Variants in AADAT observed in about 807,000 individuals in gnomAD.
AADAT encodes aminoadipate aminotransferase.
AADAT carries 25 observed loss-of-function variants against 56.2 expected under a neutral mutation model. The observed-to-expected ratio is 0.44, with a 90% CI of 0.32 to 0.62. The LOEUF (loss-of-function observed/expected upper bound fraction) is 0.62, where lower values mean the gene tolerates loss of function less well. Ranked by LOEUF, AADAT falls within the 20% of genes least tolerant of loss-of-function variation. The pLI is 0.04. For synonymous variants in AADAT, 173 were observed against 164.7 expected, an observed-to-expected ratio of 1.05 and a Z score of -0.39; for missense variants, 387 against 510.5, an observed-to-expected ratio of 0.76 and a Z score of 2.33.
At chr4:170,086,972 G>T in intron 3 of AADAT, 144 bp downstream of exon 3, 3 of 1,046,160 alleles carry the variant, frequency 2.9e-6, no homozygotes, top group Non-Finnish European at 4.0e-6. Flanking sequence ...TTGTCTTTTA[G>T]TTCCCTGTTT....
intron 3 of AADAT, among the ~76,000 whole-genome samples, chr4:170,084,815 G>A (rs1318329059): frequency 1.3e-5 from 2 of 152,292 alleles, no homozygotes; most frequent in African/African-American, 2.4e-5. Flanking sequence ...GACATCCTAG[G>A]ACCAAAGGAA....
intron 1 of AADAT, among the ~76,000 whole-genome samples, chr4:170,088,819 A>G (rs1732691840): frequency 6.6e-6 from 1 of 152,070 alleles, no homozygotes; most frequent in Non-Finnish European, 1.5e-5. Flanking sequence ...TGGTGCACTT[A>G]TAAAAGAGGG....
intron 3 of AADAT, among the ~76,000 whole-genome samples, chr4:170,086,069 G>C (rs1172667560): frequency 3.3e-5 from 5 of 151,986 alleles, no homozygotes; most frequent in Admixed American, 6.6e-5. Context: ...AGACCAGCCT[G>C]TCCAACATGG....
In AADAT at chr4:170,068,663, A is replaced by C; in HGVS notation, c.828T>G (p.Gly276=). Reference sequence around the variant, plus strand: ...TAACTCTCTCTATTAAGGGTTTTGGACCAGTTAAAAATCCTATTCTCAACC... The same window carrying C: ...TAACTCTCTCTATTAAGGGTTTTGGCCCAGTTAAAAATCCTATTCTCAACC... ...SSGLRIGFLT[G]PKPLIERVIL... The change falls in exon 8 of 13, where the codon GGT becomes GGG. Residue 276 remains glycine, a synonymous_variant. Coordinates refer to ENST00000337664, the MANE Select transcript of AADAT (RefSeq NM_016228.4). 1 of 1,603,024 alleles carries C rather than the reference A, an allele frequency of 6.2e-7. No homozygotes were observed.
chr4:170,074,258 G>A (rs970467659), intron 4 of AADAT, among the ~76,000 whole-genome samples: 1 of 151,882 alleles, frequency 6.6e-6, no homozygotes, highest in African/African-American at 2.4e-5. Context: ...TGTTACATGG[G>A]TATACTGCAT....
chr4:170,081,394 G>T (rs1268699861), intron 3 of AADAT, among the ~76,000 whole-genome samples: 2 of 152,096 alleles, frequency 1.3e-5, no homozygotes, highest in Non-Finnish European at 2.9e-5. Context: ...CTTATTTAAA[G>T]AAATAATAAC....
intron 6 of AADAT, 44 bp from the exon 7 acceptor site, chr4:170,069,274 T>A (rs777959548): frequency 1.3e-6 from 2 of 1,491,320 alleles, no homozygotes; most frequent in South Asian, 2.3e-5. Context: ...GAAAGCTCTG[T>A]TAGTCACTGT....
intron 10 of AADAT, among the ~76,000 whole-genome samples, chr4:170,065,190 T>C (rs2111145086): frequency 6.6e-6 from 1 of 152,318 alleles, no homozygotes; most frequent in East Asian, 1.9e-4. Flanking sequence ...AGAGGATTCT[T>C]CCATTATTTG....
Position 170,073,162 on chromosome 4 carries a change from T to C in AADAT, c.628A>G (p.Ser210Gly), listed in dbSNP as rs773158625. Residue 210 changes from serine (S) to glycine (G), a missense_variant, in exon 5 of 13, where the codon AGT (serine) becomes GGT (glycine). Coordinates refer to ENST00000337664, the MANE Select transcript of AADAT (RefSeq NM_016228.4). ...GNNPTGNSLT[S>G]ERKKEIYELA... ...TCATAGATTTCCTTTTTGCGTTCAC[T>C]GGTTAATGAGTTTCCAGTAGGGTTG... 1.1e-5 allele frequency: 18 copies of C among 1,614,148 alleles called. No individual in the cohort carries two copies. The highest frequency in any genetic ancestry group is 2.2e-5 in the South Asian group (2 of 91,056).
intron 3 of AADAT, among the ~76,000 whole-genome samples, chr4:170,079,163 A>AT (rs1732176313): frequency 6.6e-6 from 1 of 152,234 alleles, no homozygotes; most frequent in African/African-American, 2.4e-5. Flanking sequence ...GCACAATGAC[A>AT]TAAGAGCTCA....
At chr4:170,072,253 AG>A (rs1731806026) in intron 5 of AADAT, among the ~76,000 whole-genome samples, 1 of 151,472 alleles carries the variant, frequency 6.6e-6, no homozygotes, top group African/African-American at 2.4e-5. Flanking sequence ...GTGTTTATAT[AG>A]ATACATGTAT....
At chr4:170,073,663 G>C (rs141916899) in intron 4 of AADAT, among the ~76,000 whole-genome samples, 1,948 of 151,938 alleles carry the variant, frequency 0.013, 51 homozygotes, top group African/African-American at 0.044. Context: ...CCACGCCCAG[G>C]TAATTTTTTG....
intron 4 of AADAT, among the ~76,000 whole-genome samples, chr4:170,074,817 A>G (rs537328197): frequency 2.2e-4 from 33 of 152,262 alleles, no homozygotes; most frequent in African/African-American, 6.5e-4. Context: ...GGCATTGCTT[A>G]TAGACTTAGC....
At chr4:170,092,558 A>G (rs1023212140), upstream of AADAT, among the ~76,000 whole-genome samples, 10 of 152,244 alleles carry the variant, frequency 6.6e-5, no homozygotes, top group Non-Finnish European at 1.2e-4. Flanking sequence ...CAGTGAGACC[A>G]AAACCCCACC....
At chr4:170,068,527 T>C in intron 8 of AADAT, 64 bp downstream of exon 8, 1 of 1,255,030 alleles carries the variant, frequency 8.0e-7, no homozygotes, top group South Asian at 1.3e-5. Flanking sequence ...CTCTACCATC[T>C]ATTATTTTTT....
chr4:170,083,961 A>G (rs2111204297), intron 3 of AADAT, among the ~76,000 whole-genome samples: 1 of 152,352 alleles, frequency 6.6e-6, no homozygotes, highest in South Asian at 2.1e-4. Flanking sequence ...CTTATTCACA[A>G]TAGCCAAAAT....
chr4:170,066,402 C>T lies in AADAT; in HGVS notation c.1027+12G>A, dbSNP rs754504488. 44 of 1,610,880 alleles carry T rather than the reference C, an allele frequency of 2.7e-5. No homozygotes were observed. The highest frequency in any genetic ancestry group is 1.7e-4 in the Middle Eastern group (1 of 6,054). On this transcript the variant is annotated intron_variant, in intron 10 of 12. Coordinates refer to ENST00000337664, the MANE Select transcript of AADAT (RefSeq NM_016228.4). Reference sequence around the variant, plus strand: ...ACTGTTTATCATGAGGACGAATATACGTTCCACTCACCAGTTAACCACTTG... The same window carrying T: ...ACTGTTTATCATGAGGACGAATATATGTTCCACTCACCAGTTAACCACTTG...
chr4:170,089,454 AG>A (rs1467827667), intron 1 of AADAT, 169 bp downstream of exon 1: 3 of 729,526 alleles, frequency 4.1e-6, no homozygotes, highest in African/African-American at 1.8e-5. Flanking sequence ...GAGTTCTTTG[AG>A]AACAAAGGCT....
At chr4:170,086,833 AG>A (rs1313517119) in intron 3 of AADAT, among the ~76,000 whole-genome samples, 4 of 152,230 alleles carry the variant, frequency 2.6e-5, no homozygotes, top group Admixed American at 2.0e-4. Flanking sequence ...GTTCACAATG[AG>A]GAAAACTAGG....
Sources: gnomAD v4.1 joint callset for allele counts (sites outside exome capture counted in the v4.1 genomes callset) on GRCh38, gnomAD v4.1.1 for gene constraint, MANE v1.5 for transcripts, NCBI Gene and HGNC (gene_info 2026-07-23, HGNC 2026-07-21) for gene names.